ARID4B: variants seen among roughly 807,000 people sequenced by gnomAD.
ARID4B encodes AT-rich interactive domain-containing protein 4B.
In ARID4B, 26 loss-of-function variants were observed where a neutral mutation model predicts 147.5. The observed-to-expected ratio is 0.18, with a 90% CI of 0.13 to 0.24. The LOEUF is 0.24. Among genes scored for constraint, ARID4B ranks in the 10% least tolerant of loss-of-function variants. ARID4B has a pLI of 1.00. For synonymous variants in ARID4B, 512 were observed against 507.9 expected, an observed-to-expected ratio of 1.01 and a Z score of -0.11; for missense variants, 1,179 against 1,511.5, an observed-to-expected ratio of 0.78 and a Z score of 3.65.
intron 19 of ARID4B, among the ~76,000 whole-genome samples, chr1:235,191,267 A>C (rs1325302842): frequency 6.6e-6 from 1 of 150,772 alleles, no homozygotes; most frequent in Non-Finnish European, 1.5e-5. Context: ...ATTTTTTTTA[A>C]GATGGAGTTT....
chr1:235,251,643 GTAATATTAA>G (rs1339366052), intron 6 of ARID4B, among the ~76,000 whole-genome samples: 120 of 77,038 alleles, frequency 1.6e-3, no homozygotes, highest in African/African-American at 3.8e-3. Flanking sequence ...TACTAAATAA[GTAATATTAA>G]AGTAATATTA....
rs182171474 is a variant in ARID4B, at chr1:235,190,477, A to G, written c.2125+3536T>C. Among the ~76,000 whole-genome samples the G allele has an allele frequency of 1.8e-4, 28 of 151,906 alleles. No homozygotes were observed. The East Asian group carries it at 4.4e-3, about 24-fold the overall frequency. ...AAAGAAAAGAAAAAAAAAAGATTCC[A>G]GAGACAGAAAAGCAAAAAATAAAGA... is the stretch of plus-strand genomic sequence containing the variant. On this transcript the variant is annotated intron_variant, in intron 19 of 23. Transcript: ENST00000264183.
chr1:235,183,741 C>A (rs1320900127), intron 19 of ARID4B, among the ~76,000 whole-genome samples: 2 of 149,988 alleles, frequency 1.3e-5, no homozygotes, highest in East Asian at 1.9e-4. Flanking sequence ...GTTTTATTTT[C>A]TTTCCCTCCC....
At chr1:235,228,492 ATTTTTG>A (rs1230574830) in intron 11 of ARID4B, 1 of 149,534 alleles carries the variant, frequency 6.7e-6, no homozygotes, top group African/African-American at 2.5e-5. Flanking sequence ...TTTTATTTTT[ATTTTTG>A]TTGAGATGGG....
At chr1:235,247,903 G>A (rs1443991239) in intron 6 of ARID4B, among the ~76,000 whole-genome samples, 1 of 152,048 alleles carries the variant, frequency 6.6e-6, no homozygotes, top group African/African-American at 2.4e-5. Flanking sequence ...CAGGAGAATC[G>A]CTTGAACCCG....
intron 16 of ARID4B, among the ~76,000 whole-genome samples, chr1:235,214,903 G>A (rs1367058230): frequency 2.1e-5 from 3 of 139,850 alleles, no homozygotes; most frequent in Non-Finnish European, 4.5e-5. Flanking sequence ...GTGCAATGGC[G>A]CAATCTCGGC....
chr1:235,186,060 C>T (rs1182019821), intron 19 of ARID4B, among the ~76,000 whole-genome samples: 2 of 151,764 alleles, frequency 1.3e-5, no homozygotes, highest in African/African-American at 4.8e-5. Context: ...ACCTCCACCT[C>T]CCAGGTTCAA....
At chr1:235,179,708 T>C (rs1288072861) in intron 20 of ARID4B, among the ~76,000 whole-genome samples, 1 of 113,562 alleles carries the variant, frequency 8.8e-6, no homozygotes, top group Non-Finnish European at 1.9e-5. Context: ...GATATCCTCT[T>C]TTTTTTTGTT....
Position 235,213,982 on chromosome 1 carries a change from TCTG to T in ARID4B, c.1625_1627del (p.Ala542del). 6.3e-7 allele frequency: 1 copy of T among 1,590,684 alleles called. No individual in the cohort carries two copies. Among genetic ancestry groups the T allele is most frequent in the Non-Finnish European group, 8.6e-7 (1 of 1,159,174 alleles). ...TTCTTCTTCCTCCTCCTCCTCCTCTTCTGCTTCTTCATCATCTTCATCTTCTTC... is the reference window on the plus strand; with the variant it reads ...TTCTTCTTCCTCCTCCTCCTCCTCTTCTTCTTCATCATCTTCATCTTCTTC... On this transcript the variant is annotated inframe_deletion, in exon 17 of 24. Coordinates refer to ENST00000264183, the MANE Select transcript of ARID4B (RefSeq NM_016374.6).
At chr1:235,255,220 T>TATATATATATATAGAGAGAGAG (rs1264196304) in intron 5 of ARID4B, among the ~76,000 whole-genome samples, 3,844 of 62,138 alleles carry the variant, frequency 0.062, 81 homozygotes, top group African/African-American at 0.08. Flanking sequence ...TGCTGGGAGC[T>TATATATATATATAGAGAGAGAG]AGATAGATAG....
At chr1:235,294,311 A>ACTT (rs35977902) in intron 2 of ARID4B, among the ~76,000 whole-genome samples, 38 of 114,102 alleles carry the variant, frequency 3.3e-4, no homozygotes, top group Non-Finnish European at 2.3e-4. Context: ...AACCAGCAGC[A>ACTT]TTTTTTTTTT....
In ARID4B at chr1:235,181,803, C is replaced by T; in HGVS notation, c.3116G>A (p.Ser1039Asn). 2 of 1,614,220 alleles carry T rather than the reference C, an allele frequency of 1.2e-6. No individual in the cohort carries two copies. The highest frequency in any genetic ancestry group is 2.7e-5 in the African/African-American group (2 of 75,054). ...SPSSVTVTEG[S>N]RQQSSVTVSE... ...TACTGTTACAGAAGACTGCTGCCGG[C>T]TGCCTTCTGTTACAGTGACTGATGA... The change falls in exon 20 of 24, where the codon AGC (serine) becomes AAC (asparagine). Residue 1039 changes from serine (S) to asparagine (N), a missense_variant. Coordinates refer to ENST00000264183, the MANE Select transcript of ARID4B (RefSeq NM_016374.6).
intron 16 of ARID4B, 83 bp from the exon 17 acceptor site, chr1:235,214,109 T>C: frequency 1.3e-6 from 2 of 1,482,130 alleles, no homozygotes; most frequent in South Asian, 2.9e-5. Context: ...TTGATAAAAG[T>C]TGTGGCTGTG....
At chr1:235,275,140 G>A (rs747757482) in intron 2 of ARID4B, among the ~76,000 whole-genome samples, 25 of 152,190 alleles carry the variant, frequency 1.6e-4, no homozygotes, top group South Asian at 1.0e-3. Context: ...AAATTTTTAC[G>A]ACAAAGAAGC....
rs368705744 is a variant in ARID4B, at chr1:235,223,132, G to C, written c.1065+34C>G. 146 of 1,379,854 alleles carry C rather than the reference G, an allele frequency of 1.1e-4. No individual in the cohort carries two copies. In the African/African-American group the frequency reaches 1.9e-3, roughly 18 times the overall value. 85.5% of individuals were successfully genotyped at this position (1,379,854 alleles called of 1,614,324 possible). On this transcript the variant is annotated intron_variant, in intron 13 of 23. Coordinates refer to ENST00000264183, the MANE Select transcript of ARID4B (RefSeq NM_016374.6). The stretch of plus-strand genomic sequence containing the variant: ...AGATACCTGAGAAAACATGTTACAT[G>C]AAAAAGATGTTTCAGTTTGACTACA...
chr1:235,171,502 A>G (rs190111408), intron 23 of ARID4B, among the ~76,000 whole-genome samples: 3 of 152,264 alleles, frequency 2.0e-5, no homozygotes, highest in Admixed American at 6.5e-5. Flanking sequence ...TTTCCTATGG[A>G]TTTTTCTTAA....
At chr1:235,253,949 C>T (rs1355471345) in intron 5 of ARID4B, among the ~76,000 whole-genome samples, 2 of 152,138 alleles carry the variant, frequency 1.3e-5, no homozygotes, top group East Asian at 3.8e-4. Context: ...ATACCCTTTC[C>T]TTACTGGCTG....
chr1:235,180,998 T>C (rs1421163054), intron 20 of ARID4B: 3 of 449,532 alleles, frequency 6.7e-6, no homozygotes, highest in Non-Finnish European at 9.0e-6. Flanking sequence ...CTGTAGGTTA[T>C]TAACGTACAC....
At chr1:235,315,249 C>T (rs1391496793) in intron 2 of ARID4B, among the ~76,000 whole-genome samples, 1 of 152,126 alleles carries the variant, frequency 6.6e-6, no homozygotes, top group Admixed American at 6.6e-5. Flanking sequence ...GATAAGGAGA[C>T]CCCGTCTCTA....
Sources: allele counts gnomAD v4.1 joint callset (sites outside exome capture counted in the v4.1 genomes callset), GRCh38; gene constraint gnomAD v4.1.1; transcripts MANE v1.5; gene names NCBI Gene and HGNC (gene_info 2026-07-23, HGNC 2026-07-21).